The following ANK3 variants were observed in gnomAD, a reference collection of about 807,000 sequenced individuals.
ANK3 encodes the protein ankyrin 3.
ANK3 carries 57 observed loss-of-function variants against 370.9 expected under a neutral mutation model. The observed-to-expected ratio is 0.15, with a 90% CI of 0.12 to 0.19. The LOEUF (loss-of-function observed/expected upper bound fraction) is 0.19. Ranked by LOEUF, ANK3 falls within the 10% of genes least tolerant of loss-of-function variation. The pLI is 1.00. For missense variants in ANK3, 4,439 were observed against 5,302.1 expected, an observed-to-expected ratio of 0.84 and a Z score of 5.06; for synonymous variants, 1,929 against 1,946.3, an observed-to-expected ratio of 0.99 and a Z score of 0.23.
At chr10:60,390,729 A>AACAC (rs572520321), upstream of ANK3, among the ~76,000 whole-genome samples, 210 of 107,062 alleles carry the variant, frequency 2.0e-3, 1 homozygote, top group East Asian at 0.011. Context: ...TAAAAAAAAG[A>AACAC]ACACACACAC....
At chr10:60,098,251 G>T (rs1308560896) in intron 28 of ANK3, among the ~76,000 whole-genome samples, 1 of 152,154 alleles carries the variant, frequency 6.6e-6, no homozygotes, top group Non-Finnish European at 1.5e-5. Flanking sequence ...AGGGCAGCCA[G>T]AGAGTCAATC....
chr10:60,719,649 A>C (rs1164080229), intron 1 of ANK3, among the ~76,000 whole-genome samples: 3 of 152,124 alleles, frequency 2.0e-5, no homozygotes, highest in African/African-American at 7.2e-5. Context: ...GTGTCTATTC[A>C]TACCCCAGAG....
chr10:60,281,287 T>C (rs1242349779), intron 1 of ANK3, among the ~76,000 whole-genome samples: 2 of 152,344 alleles, frequency 1.3e-5, no homozygotes, highest in East Asian at 3.9e-4. Context: ...TGAATAATTC[T>C]TTGCTGTAGG....
intron 2 of ANK3, among the ~76,000 whole-genome samples, chr10:60,603,670 G>A (rs909887913): frequency 8.6e-5 from 13 of 152,026 alleles, no homozygotes; most frequent in East Asian, 1.9e-4. Flanking sequence ...AACATGTTAC[G>A]AAAACCCATA....
At chr10:60,675,800 C>G (rs1474237500) in intron 1 of ANK3, among the ~76,000 whole-genome samples, 2 of 152,176 alleles carry the variant, frequency 1.3e-5, no homozygotes, top group Non-Finnish European at 2.9e-5. Context: ...TTCAAATGGA[C>G]TCCAGTCCCA....
At chr10:60,053,640 G>A (rs1331111674) in intron 42 of ANK3, 1 of 1,295,088 alleles carries the variant, frequency 7.7e-7, no homozygotes, top group Admixed American at 2.4e-5. Flanking sequence ...GCCATGGGTT[G>A]CTGCATGGAA....
intron 2 of ANK3, among the ~76,000 whole-genome samples, chr10:60,589,646 A>G (rs117908493): frequency 0.016 from 2,506 of 152,312 alleles, 39 homozygotes; most frequent in Non-Finnish European, 0.024. Flanking sequence ...CCTTCATTCC[A>G]TAGAAACAAC....
intron 2 of ANK3, among the ~76,000 whole-genome samples, chr10:60,435,899 ACCGCGGTGAAACC>A (rs1403047561): frequency 2.0e-5 from 3 of 152,082 alleles, no homozygotes; most frequent in Non-Finnish European, 2.9e-5. Flanking sequence ...GGAGATCGAG[ACCGCGGTGAAACC>A]CCGTCTCTAC....
At chr10:60,239,611 A>T (rs955998301) in intron 7 of ANK3, among the ~76,000 whole-genome samples, 1 of 152,176 alleles carries the variant, frequency 6.6e-6, no homozygotes, top group Non-Finnish European at 1.5e-5. Context: ...GCAATACATA[A>T]AATGTTCAGT....
At chr10:60,336,037 G>A (rs1219879769) in intron 1 of ANK3, among the ~76,000 whole-genome samples, 7 of 151,900 alleles carry the variant, frequency 4.6e-5, no homozygotes, top group South Asian at 4.1e-4. Context: ...CTTCGGATGC[G>A]GAAGTTTGAT....
At chr10:60,266,781 C>T (rs2097886996) in intron 5 of ANK3, among the ~76,000 whole-genome samples, 1 of 152,166 alleles carries the variant, frequency 6.6e-6, no homozygotes, top group Non-Finnish European at 1.5e-5. Flanking sequence ...TTGCTTTGTG[C>T]AGTTATTCTT....
intron 7 of ANK3, 55 bp from the exon 8 acceptor site, chr10:60,234,841 T>C: frequency 8.3e-7 from 1 of 1,202,468 alleles, no homozygotes; most frequent in Non-Finnish European, 1.2e-6. Flanking sequence ...AACAAAACGT[T>C]CCTTTCTAAA....
At chr10:60,660,613 T>C (rs2078923400) in intron 1 of ANK3, among the ~76,000 whole-genome samples, 1 of 152,090 alleles carries the variant, frequency 6.6e-6, no homozygotes, top group Admixed American at 6.6e-5. Flanking sequence ...CTCTGGGTTG[T>C]GCTGGGTTCC....
intron 1 of ANK3, among the ~76,000 whole-genome samples, chr10:60,663,304 C>T (rs2078958109): frequency 1.3e-5 from 2 of 152,172 alleles, no homozygotes; most frequent in South Asian, 4.1e-4. Flanking sequence ...AGGCAGATTC[C>T]ACTGAGAAGG....
At chr10:60,385,424 G>A (rs2062116654) in intron 1 of ANK3, among the ~76,000 whole-genome samples, 2 of 152,008 alleles carry the variant, frequency 1.3e-5, no homozygotes, top group Admixed American at 1.3e-4. Context: ...TATGGAGGGT[G>A]ATTAGTGGCT....
At chr10:60,125,518 A>C (rs2093711126) in intron 25 of ANK3, among the ~76,000 whole-genome samples, 1 of 152,240 alleles carries the variant, frequency 6.6e-6, no homozygotes, top group East Asian at 1.9e-4. Context: ...AGCATATTAA[A>C]TGTCACCAGT....
intron 1 of ANK3, among the ~76,000 whole-genome samples, chr10:60,651,320 C>T (rs1237065927): frequency 6.6e-6 from 1 of 152,100 alleles, no homozygotes; most frequent in Non-Finnish European, 1.5e-5. Context: ...GCAGTCATTC[C>T]AGCTTTTGAC....
intron 26 of ANK3, chr10:60,111,854 A>G (rs905367358): frequency 2.3e-6 from 1 of 430,732 alleles, no homozygotes; most frequent in Non-Finnish European, 4.6e-6. Context: ...CAAGCAAAGG[A>G]AAAATAAAAA....
At chr10:60,572,415 C>G in intron 2 of ANK3, 1 of 1,514,450 alleles carries the variant, frequency 6.6e-7, no homozygotes, top group East Asian at 2.5e-5. Context: ...TCACTTCCTC[C>G]CCAGAGCCAG....
Sources: gnomAD v4.1 joint callset for allele counts (sites outside exome capture counted in the v4.1 genomes callset) on GRCh38, gnomAD v4.1.1 for gene constraint, MANE v1.5 for transcripts, NCBI Gene and HGNC (gene_info 2026-07-23, HGNC 2026-07-21) for gene names.